Variants in GAS2L1 observed in about 807,000 individuals in gnomAD.
GAS2L1 encodes the protein growth arrest specific 2 like 1, also known as GAS2-like protein 1.
GAS2L1 carries 26 observed loss-of-function variants against 44.0 expected under a neutral mutation model. The ratio of observed to expected loss-of-function variants is 0.59; its 90% CI spans 0.43 to 0.82. The LOEUF (loss-of-function observed/expected upper bound fraction) is 0.82, where lower values mean the gene tolerates loss of function less well. Among genes scored for constraint, GAS2L1 ranks in the 40% least tolerant of loss-of-function variants. The pLI, the probability that GAS2L1 is intolerant of heterozygous loss-of-function variation, is 0.00. For synonymous variants in GAS2L1, 426 were observed against 415.9 expected (o/e 1.02, Z -0.30); for missense variants, 1,006 against 983.0 (o/e 1.02, Z -0.31).
upstream of GAS2L1, chr22:29,307,051 G>C (rs962948832): frequency 3.9e-5 from 6 of 152,110 alleles, no homozygotes; most frequent in Admixed American, 2.0e-4. Flanking sequence ...GCCGCGGCGC[G>C]GGACGCATAG....
chr22:29,310,046 G>C (rs1199970794), intron 1 of GAS2L1, among the ~76,000 whole-genome samples: 1 of 151,930 alleles, frequency 6.6e-6, no homozygotes, highest in African/African-American at 2.4e-5. Flanking sequence ...TGGAACTCCT[G>C]AGCCTGACCA....
At chr22:29,310,915 T>C (rs752697484) in exon 4 of GAS2L1, 2 of 1,613,712 alleles carry the variant, frequency 1.2e-6, no homozygotes, top group Non-Finnish European at 1.7e-6. Flanking sequence ...GCCCAGTCCC[T>C]GGGAGTGAGC....
exon 5 of GAS2L1, chr22:29,312,389 T>C (rs1458963093): frequency 6.3e-7 from 1 of 1,591,118 alleles, no homozygotes; most frequent in Admixed American, 1.7e-5. Context: ...AACCCTCACG[T>C]ATCCCCACGC....
chr22:29,308,653 AC>A lies in GAS2L1; in HGVS notation c.549del (p.Asp183GlufsTer18). On this transcript the variant is annotated frameshift_variant, in exon 1 of 5. Coordinates refer to ENST00000618518, the Ensembl canonical transcript of GAS2L1. LOFTEE classifies it high-confidence loss of function. ...CCCAACGCCCCTGCCGCTGGGGAGGACACCACTGAAACCGCCCCCGCACCAG... is the reference window on the plus strand; with the variant it reads ...CCCAACGCCCCTGCCGCTGGGGAGGAACCACTGAAACCGCCCCCGCACCAG... 1 of 1,559,194 alleles carries A rather than the reference AC, an allele frequency of 6.4e-7. No individual in the cohort carries two copies. The highest frequency in any genetic ancestry group is 8.7e-7 in the Non-Finnish European group (1 of 1,151,566).
At chr22:29,310,278 AAAAGAAAGGTCACGTG>A in intron 1 of GAS2L1, 145 bp from the exon 3 acceptor site, 1 of 413,660 alleles carries the variant, frequency 2.4e-6, no homozygotes, top group Non-Finnish European at 4.3e-6. Context: ...TAAAAAAAAT[AAAAGAAAGGTCACGTG>A]TGGAAGCTGT....
chr22:29,308,685 C>T, exon 1 of GAS2L1: 3 of 1,509,238 alleles, frequency 2.0e-6, no homozygotes, highest in Non-Finnish European at 2.7e-6. Context: ...ACCAGGGACT[C>T]CTGCCCGCGG....
At chr22:29,308,171 T>C in exon 1 of GAS2L1, 1 of 1,598,522 alleles carries the variant, frequency 6.3e-7, no homozygotes, top group Non-Finnish European at 8.6e-7. Flanking sequence ...TTCGCTCCAG[T>C]GAGGCCTACG....
chr22:29,310,253 A>C (rs1002370543), intron 1 of GAS2L1, 186 bp from the exon 3 acceptor site: 1 of 355,374 alleles, frequency 2.8e-6, no homozygotes, highest in South Asian at 1.0e-4. Context: ...AAAAAAAAAA[A>C]AAAATAAAAA....
At chr22:29,312,063 G>A (rs2061415126) in exon 5 of GAS2L1, 5 of 1,612,702 alleles carry the variant, frequency 3.1e-6, no homozygotes, top group Non-Finnish European at 4.2e-6. Context: ...TGTTGCTAGC[G>A]TGACCCCCAC....
exon 5 of GAS2L1, chr22:29,312,287 G>T (rs1291386198): frequency 6.2e-7 from 1 of 1,609,484 alleles, no homozygotes; most frequent in African/African-American, 1.3e-5. Flanking sequence ...CTGGCATGGG[G>T]GGGCCACTAG....
intron 2 of GAS2L1, 42 bp downstream of exon 3, chr22:29,310,588 G>A: frequency 6.3e-7 from 1 of 1,579,054 alleles, no homozygotes. Context: ...AGCCAAGGTG[G>A]TGGGCTGCGG....
rs1210557009 is a variant in GAS2L1 at position 29,310,421 on chromosome 22, C to A, written c.634-18C>A. 2 of 1,389,898 alleles carry A rather than the reference C, an allele frequency of 1.4e-6. No individual in the cohort carries two copies. The highest frequency in any genetic ancestry group is 1.2e-5 in the South Asian group (1 of 85,234). 86.1% of individuals were successfully genotyped at this position (1,389,898 alleles called of 1,614,324 possible). On this transcript the variant is annotated intron_variant, in intron 1 of 4. Coordinates refer to ENST00000618518, the Ensembl canonical transcript of GAS2L1. ...GAGGACTTGACCTCTGACCCCTACC[C>A]TCTCTCTCTGGCCTCAGGTGAGGGA...
chr22:29,312,228 C>T (rs2061417424), exon 5 of GAS2L1: 14 of 1,612,866 alleles, frequency 8.7e-6, no homozygotes, highest in Non-Finnish European at 1.2e-5. Flanking sequence ...GCTGCCTGGG[C>T]CCCGAAGCCA....
rs368082580 is a variant in GAS2L1 at position 29,310,554 on chromosome 22, C to T, written c.741+8C>T. Reference sequence around the variant, plus strand: ...CTGCTCATCTTTGTGCGGGTAAGGGCCTGGGGCCGCCCCAGCGGGCAGCAG... The same window carrying T: ...CTGCTCATCTTTGTGCGGGTAAGGGTCTGGGGCCGCCCCAGCGGGCAGCAG... On this transcript the variant is annotated splice_region_variant and intron_variant, in intron 2 of 4. Transcript: ENST00000618518. 27 of 1,593,310 alleles carry T rather than the reference C, an allele frequency of 1.7e-5. No individual in the cohort carries two copies. Among genetic ancestry groups the T allele is most frequent in the Non-Finnish European group, 2.2e-5 (26 of 1,161,172 alleles).
exon 5 of GAS2L1, chr22:29,311,733 C>A (rs1284033026): frequency 1.3e-6 from 2 of 1,532,638 alleles, no homozygotes; most frequent in Non-Finnish European, 1.7e-6. Context: ...GCTGTCGGTC[C>A]CCAGCCCTGC....
chr22:29,310,996 C>A, exon 4 of GAS2L1: 1 of 1,611,148 alleles, frequency 6.2e-7, no homozygotes, highest in South Asian at 1.1e-5. Context: ...AGACCCCACC[C>A]AGGTGAGATG....
chr22:29,312,709 A>G, exon 5 of GAS2L1: 1 of 420,148 alleles, frequency 2.4e-6, no homozygotes, highest in Non-Finnish European at 4.2e-6. Context: ...TGAATGCCTT[A>G]GAGGAGGCCG....
intron 1 of GAS2L1, among the ~76,000 whole-genome samples, chr22:29,309,454 C>T (rs2061381594): frequency 6.6e-6 from 1 of 152,262 alleles, no homozygotes; most frequent in Non-Finnish European, 1.5e-5. Context: ...CTACAATGTG[C>T]CTGCCTGGGA....
intron 4 of GAS2L1, chr22:29,311,247 G>T (rs569207066): frequency 4.4e-5 from 26 of 587,802 alleles, no homozygotes; most frequent in South Asian, 2.3e-4. Context: ...GGGAAGGGGG[G>T]TGTCTAGAGC....
Sources: allele counts gnomAD v4.1 joint callset (sites outside exome capture counted in the v4.1 genomes callset), GRCh38; gene constraint gnomAD v4.1.1; transcripts MANE v1.5; gene names NCBI Gene and HGNC (gene_info 2026-07-23, HGNC 2026-07-21).